The following MAPK10 variants were observed in gnomAD, a reference collection of about 807,000 sequenced individuals.
MAPK10 encodes JNK3 alpha protein kinase.
A neutral mutation model predicts 59.3 loss-of-function variants in MAPK10; 25 were observed. The observed-to-expected ratio is 0.42, with a 90% CI of 0.31 to 0.59. The LOEUF (loss-of-function observed/expected upper bound fraction) is 0.59. Among genes scored for constraint, MAPK10 ranks in the 20% least tolerant of loss-of-function variants. MAPK10 has a pLI of 0.15. For missense variants in MAPK10, 351 were observed against 568.9 expected, an observed-to-expected ratio of 0.62 and a Z score of 3.90; for synonymous variants, 190 against 200.5, an observed-to-expected ratio of 0.95 and a Z score of 0.44.
intron 2 of MAPK10, among the ~76,000 whole-genome samples, chr4:86,204,545 G>A (rs2083384963): frequency 6.6e-6 from 1 of 151,980 alleles, no homozygotes. Flanking sequence ...AATATGGGAA[G>A]CATAGACATA....
chr4:86,372,519 C>CAAA (rs1218457202), intron 1 of MAPK10, among the ~76,000 whole-genome samples: 3 of 43,500 alleles, frequency 6.9e-5, no homozygotes, highest in African/African-American at 2.6e-4. Flanking sequence ...CCATCTCAAA[C>CAAA]AAAAGAAAGA....
chr4:86,510,300 G>T (rs150960881), intron 1 of MAPK10, among the ~76,000 whole-genome samples: 1 of 151,838 alleles, frequency 6.6e-6, no homozygotes, highest in African/African-American at 2.4e-5. Context: ...TTTTGTAGAG[G>T]CAGAGTTTTA....
intron 2 of MAPK10, among the ~76,000 whole-genome samples, chr4:86,288,658 C>T (rs2095113213): frequency 6.6e-6 from 1 of 151,952 alleles, no homozygotes; most frequent in Non-Finnish European, 1.5e-5. Flanking sequence ...TAGGAAAAAA[C>T]CCTGTGTACC....
intron 1 of MAPK10, among the ~76,000 whole-genome samples, chr4:86,481,714 A>C (rs978878109): frequency 1.3e-5 from 2 of 152,190 alleles, no homozygotes; most frequent in Admixed American, 6.5e-5. Flanking sequence ...TTTAAAGGCA[A>C]GTACGTACTG....
chr4:86,516,926 T>C (rs898528289), intron 1 of MAPK10, among the ~76,000 whole-genome samples: 1 of 152,230 alleles, frequency 6.6e-6, no homozygotes, highest in African/African-American at 2.4e-5. Flanking sequence ...CTGATTGCTC[T>C]GGCTAGGACT....
At chr4:86,139,313 T>C (rs190803180) in intron 4 of MAPK10, among the ~76,000 whole-genome samples, 10 of 150,284 alleles carry the variant, frequency 6.7e-5, no homozygotes, top group Non-Finnish European at 1.0e-4. Context: ...CAAAACAGCA[T>C]GTTACTGGTA....
intron 11 of MAPK10, among the ~76,000 whole-genome samples, chr4:86,056,568 T>C (rs534861002): frequency 6.7e-6 from 1 of 150,078 alleles, no homozygotes; most frequent in South Asian, 2.1e-4. Flanking sequence ...AACTCATTCA[T>C]GGAGTAGATT....
intron 1 of MAPK10, among the ~76,000 whole-genome samples, chr4:86,534,267 A>C (rs1758058504): frequency 6.6e-6 from 1 of 152,182 alleles, no homozygotes; most frequent in African/African-American, 2.4e-5. Context: ...TACAGAAAAG[A>C]CTTAGTTATA....
At chr4:86,540,581 G>T (rs896108837) in intron 1 of MAPK10, among the ~76,000 whole-genome samples, 4 of 152,168 alleles carry the variant, frequency 2.6e-5, no homozygotes, top group African/African-American at 9.7e-5. Flanking sequence ...GAAAACTGAT[G>T]CAGAATCTAG....
chr4:86,524,694 C>T lies in MAPK10; in HGVS notation c.-263+69216G>A, dbSNP rs1010334247. Among the ~76,000 whole-genome samples the T allele has an allele frequency of 2.6e-5, 4 of 152,150 alleles. No individual in the cohort carries two copies. The East Asian group carries it at 7.7e-4, about 29-fold the overall frequency. ...TCTGGTCATGTAACACTGCCATTTA[C>T]ACTCTCTCTCCCCTTTCTATTACTG... On this transcript the variant is annotated intron_variant, in intron 1 of 4. Coordinates refer to the MAPK10 transcript ENST00000502302.
At chr4:86,461,977 C>T (rs192603940) in intron 1 of MAPK10, among the ~76,000 whole-genome samples, 249 of 152,360 alleles carry the variant, frequency 1.6e-3, no homozygotes, top group African/African-American at 5.8e-3. Flanking sequence ...GAGCCTTTTC[C>T]TTTTAAATTC....
At chr4:86,571,897 T>C (rs555637886) in intron 1 of MAPK10, among the ~76,000 whole-genome samples, 2 of 152,250 alleles carry the variant, frequency 1.3e-5, no homozygotes, top group Admixed American at 6.5e-5. Flanking sequence ...TTTTCCTTTC[T>C]TCCTTGGTCT....
intron 1 of MAPK10, among the ~76,000 whole-genome samples, chr4:86,503,877 A>C (rs1423781991): frequency 1.3e-5 from 2 of 151,634 alleles, no homozygotes; most frequent in Admixed American, 1.3e-4. Context: ...CCCTAATCCT[A>C]CTCTAGCCAC....
intron 1 of MAPK10, among the ~76,000 whole-genome samples, chr4:86,474,643 C>A (rs1752919798): frequency 6.6e-6 from 1 of 152,156 alleles, no homozygotes. Flanking sequence ...ACCCACTGCA[C>A]CCCAGTTTAG....
At chr4:86,351,953 T>C (rs1214341755) in intron 2 of MAPK10, among the ~76,000 whole-genome samples, 1 of 152,194 alleles carries the variant, frequency 6.6e-6, no homozygotes, top group African/African-American at 2.4e-5. Flanking sequence ...AATGGAAAGA[T>C]GCTCTTCTTC....
chr4:86,296,747 A>G (rs2095370248), intron 2 of MAPK10, among the ~76,000 whole-genome samples: 1 of 152,230 alleles, frequency 6.6e-6, no homozygotes, highest in Non-Finnish European at 1.5e-5. Flanking sequence ...AGAATTATTA[A>G]TAGTTCCTAT....
At chr4:86,433,961 T>C (rs1475854780) in intron 1 of MAPK10, among the ~76,000 whole-genome samples, 1 of 152,212 alleles carries the variant, frequency 6.6e-6, no homozygotes, top group East Asian at 1.9e-4. Context: ...AAAAGCGTTT[T>C]TTCCATTGAA....
intron 1 of MAPK10, among the ~76,000 whole-genome samples, chr4:86,524,725 GT>G (rs1244069992): frequency 3.3e-5 from 5 of 150,698 alleles, no homozygotes; most frequent in Admixed American, 2.7e-4. Context: ...TACTGAATTA[GT>G]TTTTTTTAAG....
intron 2 of MAPK10, among the ~76,000 whole-genome samples, chr4:86,282,633 G>A (rs1262187487): frequency 6.6e-6 from 1 of 152,178 alleles, no homozygotes; most frequent in Non-Finnish European, 1.5e-5. Flanking sequence ...AGGGGAAAGA[G>A]TATTCTCCCT....
Sources: gnomAD v4.1 joint callset for allele counts (sites outside exome capture counted in the v4.1 genomes callset) on GRCh38, gnomAD v4.1.1 for gene constraint, MANE v1.5 for transcripts, NCBI Gene and HGNC (gene_info 2026-07-23, HGNC 2026-07-21) for gene names.